EIPR1: variants seen among roughly 807,000 people sequenced by gnomAD.
EIPR1 encodes the protein EARP and GARP complex-interacting protein 1.
A neutral mutation model predicts 48.1 loss-of-function variants in EIPR1; 25 were observed. That is an observed-to-expected ratio of 0.52 (90% CI 0.38 to 0.73). The LOEUF is 0.73. Among genes scored for constraint, EIPR1 ranks in the 30% least tolerant of loss-of-function variants. EIPR1 has a pLI of 0.00. For missense variants in EIPR1, 415 were observed against 506.2 expected (o/e 0.82, Z 1.73); for synonymous variants, 204 against 201.9 (o/e 1.01, Z -0.09).
chr2:3,268,675 G>C (rs1558262817), intron 3 of EIPR1, among the ~76,000 whole-genome samples: 1 of 152,158 alleles, frequency 6.6e-6, no homozygotes, highest in Non-Finnish European at 1.5e-5. Flanking sequence ...AAGCACACTA[G>C]GACAGCGCGC....
At chr2:3,221,839 T>C (rs901584879) in intron 4 of EIPR1, among the ~76,000 whole-genome samples, 5 of 152,202 alleles carry the variant, frequency 3.3e-5, no homozygotes, top group Admixed American at 1.3e-4. Flanking sequence ...ATGGCCGAGA[T>C]ACACTCTAGA....
At chr2:3,200,578 A>C (rs879733358) in intron 5 of EIPR1, among the ~76,000 whole-genome samples, 4 of 151,320 alleles carry the variant, frequency 2.6e-5, no homozygotes, top group Non-Finnish European at 4.4e-5. Context: ...AGGAGCACAC[A>C]GAGGAGGAGG....
At chr2:3,227,344 A>G (rs943073786) in intron 4 of EIPR1, among the ~76,000 whole-genome samples, 20 of 152,182 alleles carry the variant, frequency 1.3e-4, no homozygotes, top group African/African-American at 4.3e-4. Context: ...AACTGGAGTA[A>G]TGGTCACTTG....
intron 4 of EIPR1, among the ~76,000 whole-genome samples, chr2:3,221,541 C>T (rs1665889428): frequency 7.1e-5 from 1 of 14,168 alleles, no homozygotes; most frequent in African/African-American, 1.4e-4. Context: ...CACAGTGAGT[C>T]GGGAACACAC....
At chr2:3,258,722 TAAG>T (rs1459729345) in intron 3 of EIPR1, among the ~76,000 whole-genome samples, 5 of 152,180 alleles carry the variant, frequency 3.3e-5, no homozygotes, top group Non-Finnish European at 2.9e-5. Context: ...GATTGAATGA[TAAG>T]AAGTTAAAAG....
chr2:3,244,616 T>C lies in EIPR1; in HGVS notation c.416+12683A>G, dbSNP rs1666738999. Among the ~76,000 whole-genome samples the C allele has an allele frequency of 3.9e-5, 6 of 152,164 alleles. No individual in the cohort carries two copies. In the South Asian group the frequency reaches 1.2e-3, roughly 31 times the overall value. Reference sequence around the variant, plus strand: ...AAAGAGGCCTGAGGGAGCTCCTTCTTCCCTTCCACCACTAGAGGACACAGC... The same window carrying C: ...AAAGAGGCCTGAGGGAGCTCCTTCTCCCCTTCCACCACTAGAGGACACAGC... On this transcript the variant is annotated intron_variant, in intron 4 of 8. Coordinates refer to ENST00000382125, the MANE Select transcript of EIPR1 (RefSeq NM_003310.5).
intron 3 of EIPR1, among the ~76,000 whole-genome samples, chr2:3,316,983 A>G (rs1370439429): frequency 1.3e-5 from 2 of 152,220 alleles, no homozygotes; most frequent in Non-Finnish European, 2.9e-5. Context: ...CATGGGGTGG[A>G]GCATGGAGAC....
Position 3,286,186 on chromosome 2 carries a change from C to A in EIPR1, c.260-28731G>T, listed in dbSNP as rs905083751. On this transcript the variant is annotated intron_variant, in intron 3 of 8. Coordinates refer to ENST00000382125, the MANE Select transcript of EIPR1 (RefSeq NM_003310.5). The surrounding 1 kb of genome is among the most constrained non-coding windows in gnomAD (Gnocchi z 4.2). The stretch of plus-strand genomic sequence containing the variant: ...CCTGCTATCCCTGCCTGATTCCCCA[C>A]CCTCAGAACCCATGAGCAGCACAAA... Among the ~76,000 whole-genome samples, 2 of 152,196 alleles carry A rather than the reference C, an allele frequency of 1.3e-5. No homozygotes were observed. The highest frequency in any genetic ancestry group is 1.3e-4 in the Admixed American group (2 of 15,286).
In EIPR1 at chr2:3,189,722, G is replaced by C. The variant is rs1309180404; in HGVS notation, c.990-214C>G. Among the ~76,000 whole-genome samples the C allele has an allele frequency of 6.6e-6, 1 of 152,186 alleles. No individual in the cohort carries two copies. The highest frequency in any genetic ancestry group is 1.5e-5 in the Non-Finnish European group (1 of 68,034). On this transcript the variant is annotated intron_variant, in intron 8 of 8. Transcript: ENST00000382125. The surrounding 1 kb of genome is among the most constrained non-coding windows in gnomAD (Gnocchi z 4.6). Reference sequence around the variant, plus strand: ...CAGAAACCCTCACTGTCACTGTGAGGAGTGGGCATTTCTCAAAAGGTTTAT... The same window carrying C: ...CAGAAACCCTCACTGTCACTGTGAGCAGTGGGCATTTCTCAAAAGGTTTAT...
rs549859158 is a variant in EIPR1 at position 3,313,383 on chromosome 2, G to A, written c.259+24634C>T. ...GAGAGTTAAAAAAGTGGGTGGGGGG[G>A]TTCAAGGCGCACAGACCTGAGCACT... On this transcript the variant is annotated intron_variant, in intron 3 of 8. Transcript: ENST00000382125. Among the ~76,000 whole-genome samples, 4 of 152,116 alleles carry A rather than the reference G, an allele frequency of 2.6e-5. No individual in the cohort carries two copies. In the East Asian group the frequency reaches 5.8e-4, roughly 22 times the overall value.
intron 1 of EIPR1, among the ~76,000 whole-genome samples, chr2:3,362,590 A>G (rs895378545): frequency 6.6e-6 from 1 of 151,578 alleles, no homozygotes; most frequent in East Asian, 2.0e-4. Context: ...ACACAAAAGC[A>G]GGAAGAAGGA....
intron 1 of EIPR1, among the ~76,000 whole-genome samples, chr2:3,358,737 G>A (rs1330945556): frequency 3.3e-5 from 5 of 152,192 alleles, no homozygotes; most frequent in Non-Finnish European, 7.3e-5. Context: ...TGAGGAGGAG[G>A]GCAAGCCATT....
chr2:3,267,163 C>T (rs2924503), intron 3 of EIPR1, among the ~76,000 whole-genome samples: 152,290 of 152,332 alleles, frequency 1, 76,124 homozygotes, highest in Non-Finnish European at 1. Flanking sequence ...CAACCTGCGG[C>T]TATTTCTCCA....
chr2:3,362,533 C>T (rs1396326884), intron 1 of EIPR1, among the ~76,000 whole-genome samples: 3 of 151,866 alleles, frequency 2.0e-5, no homozygotes, highest in Non-Finnish European at 4.4e-5. Flanking sequence ...AGGTTTTAAG[C>T]GGTGGGCTGA....
rs1167063083 is a variant in EIPR1 at position 3,377,648 on chromosome 2, C to G, written c.42G>C (p.Gln14His). The change falls in exon 1 of 9, where the codon CAG (glutamine) becomes CAC (histidine). Residue 14 changes from glutamine to histidine, a missense_variant and splice_region_variant. Coordinates refer to ENST00000382125, the MANE Select transcript of EIPR1 (RefSeq NM_003310.5). Reference sequence around the variant, plus strand: ...ACCTGCCGCCCTCCCAGTGACCCACCTGGAACTCCAGCCCGTAGATCACTG... The same window carrying G: ...ACCTGCCGCCCTCCCAGTGACCCACGTGGAACTCCAGCCCGTAGATCACTG... ...DAPVIYGLEFQARALTPQTAE... is the reference protein window; with the variant it reads ...DAPVIYGLEFHARALTPQTAE... 1 of 1,575,156 alleles carries G rather than the reference C, an allele frequency of 6.3e-7. No individual in the cohort carries two copies. The highest frequency in any genetic ancestry group is 1.8e-5 in the Admixed American group (1 of 54,970).
At chr2:3,276,719 CTCTAGA>C (rs991772549) in intron 3 of EIPR1, among the ~76,000 whole-genome samples, 3 of 152,244 alleles carry the variant, frequency 2.0e-5, no homozygotes, top group Non-Finnish European at 4.4e-5. Flanking sequence ...GAAAGGTTTC[CTCTAGA>C]TCTACAGATG....
chr2:3,199,113 T>C (rs1664922645), intron 5 of EIPR1, among the ~76,000 whole-genome samples: 1 of 136,532 alleles, frequency 7.3e-6, no homozygotes, highest in African/African-American at 2.7e-5. Context: ...TAATTATTAA[T>C]ATTCCTTACT....
chr2:3,295,741 C>T (rs1457428543), intron 3 of EIPR1, among the ~76,000 whole-genome samples: 1 of 138,344 alleles, frequency 7.2e-6, no homozygotes, highest in South Asian at 2.5e-4. Flanking sequence ...CATACACACA[C>T]CCTCCATCCA....
At chr2:3,356,635 G>C (rs62119520) in intron 1 of EIPR1, among the ~76,000 whole-genome samples, 24,720 of 152,236 alleles carry the variant, frequency 0.16, 2,235 homozygotes, top group Non-Finnish European at 0.21. Flanking sequence ...ACGCGGTAAA[G>C]GGACTCTGCT....
Sources: allele counts gnomAD v4.1 joint callset (sites outside exome capture counted in the v4.1 genomes callset), GRCh38; gene constraint gnomAD v4.1.1; non-coding constraint Gnocchi (gnomAD v3.1); transcripts MANE v1.5; gene names NCBI Gene and HGNC (gene_info 2026-07-23, HGNC 2026-07-21).